The following MACROD2 variants were observed in gnomAD, a reference collection of about 807,000 sequenced individuals.
MACROD2 encodes mono-ADP ribosylhydrolase 2.
MACROD2 carries 36 observed loss-of-function variants against 70.4 expected under a neutral mutation model. That is an observed-to-expected ratio of 0.51 (90% CI 0.39 to 0.68). The LOEUF (loss-of-function observed/expected upper bound fraction) is 0.68. MACROD2 is among the 30% of genes least tolerant of loss of function. MACROD2 has a pLI of 0.00. For missense variants in MACROD2, 496 were observed against 538.4 expected (o/e 0.92, Z 0.78); for synonymous variants, 172 against 178.8 (o/e 0.96, Z 0.30).
rs572418352 is a variant in MACROD2, at chr20:14,272,835, G to A, written c.271+187107G>A. ...CAAATGTAAAACAAAAAAGGCAGGG[G>A]TTGCAATCCTAGTCTCTGATAAAAC... On this transcript the variant is annotated intron_variant, in intron 3 of 17. Transcript: ENST00000684519. Among the ~76,000 whole-genome samples the A allele has an allele frequency of 1.2e-3, 190 of 152,214 alleles. 3 individuals carry two copies. The highest frequency in any genetic ancestry group is 5.9e-4 in the Admixed American group (9 of 15,298).
intron 3 of MACROD2, among the ~76,000 whole-genome samples, chr20:14,369,324 C>T (rs1378370675): frequency 6.6e-6 from 1 of 152,196 alleles, no homozygotes; most frequent in Non-Finnish European, 1.5e-5. Context: ...TCTTTGCTTC[C>T]TCCAGAACCA....
intron 3 of MACROD2, among the ~76,000 whole-genome samples, chr20:14,451,147 G>C (rs186145737): frequency 6.6e-6 from 1 of 152,102 alleles, no homozygotes; most frequent in East Asian, 1.9e-4. Context: ...GGACCATAAA[G>C]AGTATGTTAC....
intron 3 of MACROD2, among the ~76,000 whole-genome samples, chr20:14,177,675 T>A (rs1255427916): frequency 2.6e-5 from 4 of 152,016 alleles, no homozygotes; most frequent in Non-Finnish European, 4.4e-5. Context: ...CAATGACCAG[T>A]GAAATAGGAT....
chr20:15,235,729 C>T (rs562827443), intron 6 of MACROD2, among the ~76,000 whole-genome samples: 1 of 152,270 alleles, frequency 6.6e-6, no homozygotes, highest in East Asian at 1.9e-4. Context: ...CCATTACAGG[C>T]CACATCAATC....
At chr20:15,134,422 G>A (rs1396390744) in intron 5 of MACROD2, among the ~76,000 whole-genome samples, 8 of 151,866 alleles carry the variant, frequency 5.3e-5, no homozygotes, top group East Asian at 3.9e-4. Context: ...CTCACTCAAA[G>A]CCGCTCAACT....
At chr20:16,033,220 A>AT (rs1163571042) in intron 15 of MACROD2, among the ~76,000 whole-genome samples, 1 of 152,128 alleles carries the variant, frequency 6.6e-6, no homozygotes, top group African/African-American at 2.4e-5. Context: ...ACTGTGTGAC[A>AT]TTTTATTTTT....
chr20:15,078,494 G>T (rs1012170468), intron 5 of MACROD2, among the ~76,000 whole-genome samples: 3 of 152,094 alleles, frequency 2.0e-5, no homozygotes, highest in Non-Finnish European at 4.4e-5. Context: ...GGTGATATAG[G>T]CTTCAATTTT....
intron 6 of MACROD2, among the ~76,000 whole-genome samples, chr20:15,295,833 G>T (rs1039820356): frequency 6.6e-6 from 1 of 152,118 alleles, no homozygotes; most frequent in African/African-American, 2.4e-5. Context: ...CATGGTCCAG[G>T]ACATGCAGCC....
chr20:14,349,261 TTAA>T (rs1408563307), intron 3 of MACROD2, among the ~76,000 whole-genome samples: 1 of 151,260 alleles, frequency 6.6e-6, no homozygotes, highest in Non-Finnish European at 1.5e-5. Context: ...TTTTTTATTT[TTAA>T]TTTTTGTGGG....
At chr20:14,199,644 G>C (rs1303592972) in intron 3 of MACROD2, among the ~76,000 whole-genome samples, 2 of 152,030 alleles carry the variant, frequency 1.3e-5, no homozygotes, top group Non-Finnish European at 2.9e-5. Context: ...CCATGTTATA[G>C]TATTTTTCTT....
chr20:14,542,937 G>A (rs2085451195), intron 4 of MACROD2, among the ~76,000 whole-genome samples: 2 of 128,958 alleles, frequency 1.6e-5, no homozygotes, highest in African/African-American at 2.9e-5. Context: ...ATGAATTAAT[G>A]AAATGGTAAA....
intron 15 of MACROD2, among the ~76,000 whole-genome samples, chr20:16,026,627 C>T (rs2067084519): frequency 6.6e-6 from 1 of 152,176 alleles, no homozygotes; most frequent in African/African-American, 2.4e-5. Context: ...GTCCCAACCT[C>T]ATTGCTGGGT....
chr20:15,268,378 G>A (rs1013946315), intron 6 of MACROD2, among the ~76,000 whole-genome samples: 3 of 152,302 alleles, frequency 2.0e-5, no homozygotes, highest in South Asian at 2.1e-4. Context: ...GAGGGCCAGC[G>A]CAGTGGCTCA....
intron 6 of MACROD2, among the ~76,000 whole-genome samples, chr20:15,250,480 G>T (rs2077145670): frequency 1.3e-5 from 2 of 152,172 alleles, no homozygotes. Context: ...ATTAGCATGA[G>T]TGCCTAAGAT....
At chr20:14,632,743 T>C (rs1984581303) in intron 4 of MACROD2, among the ~76,000 whole-genome samples, 1 of 152,246 alleles carries the variant, frequency 6.6e-6, no homozygotes, top group Non-Finnish European at 1.5e-5. Context: ...TTTTGAAACA[T>C]GGCTTCTCTA....
chr20:15,153,958 T>C (rs764758585), intron 5 of MACROD2, among the ~76,000 whole-genome samples: 5 of 152,150 alleles, frequency 3.3e-5, no homozygotes, highest in Non-Finnish European at 5.9e-5. Flanking sequence ...ACACAAATGA[T>C]TGGAGTTATA....
At chr20:16,010,310 G>A (rs1345357195) in intron 15 of MACROD2, among the ~76,000 whole-genome samples, 2 of 152,080 alleles carry the variant, frequency 1.3e-5, no homozygotes, top group Non-Finnish European at 2.9e-5. Context: ...GGCTCCCACA[G>A]GACCAGCATC....
At position 15,745,143 on chromosome 20, in the gene MACROD2, GAGATAGTT is replaced by G. The variant is rs910965769; in HGVS notation, c.646-117597_646-117590del. On this transcript the variant is annotated intron_variant, in intron 8 of 17. Transcript: ENST00000684519. Reference sequence around the variant, plus strand: ...TACAGTTTATTCATTGTATGGTTGGGAGATAGTTAGATTGCTTTAATGTTTAGCAAATA... The same window carrying G: ...TACAGTTTATTCATTGTATGGTTGGGAGATTGCTTTAATGTTTAGCAAATA... Among the ~76,000 whole-genome samples the G allele has an allele frequency of 6.6e-5, 10 of 152,166 alleles. No individual in the cohort carries two copies. In the East Asian group the frequency reaches 1.7e-3, roughly 26 times the overall value.
At chr20:14,476,400 G>C (rs1268136479) in intron 3 of MACROD2, among the ~76,000 whole-genome samples, 1 of 152,132 alleles carries the variant, frequency 6.6e-6, no homozygotes, top group African/African-American at 2.4e-5. Flanking sequence ...CTGTCACCCA[G>C]GCTGGAGTAC....
Sources: gnomAD v4.1 joint callset for allele counts (sites outside exome capture counted in the v4.1 genomes callset) on GRCh38, gnomAD v4.1.1 for gene constraint, MANE v1.5 for transcripts, NCBI Gene and HGNC (gene_info 2026-07-23, HGNC 2026-07-21) for gene names.